ZNF829: variants seen among roughly 807,000 people sequenced by gnomAD.
ZNF829 encodes the protein zinc finger protein 829.
In ZNF829, 25 loss-of-function variants were observed where a neutral mutation model predicts 35.2. The ratio of observed to expected loss-of-function variants is 0.71; its 90% CI spans 0.52 to 0.99. ZNF829 has a LOEUF of 0.99. Ranked by LOEUF, ZNF829 falls within the 50% of genes least tolerant of loss-of-function variation. The probability of loss-of-function intolerance (pLI) is 0.00; values close to 1 mark genes in which losing one functional copy is unlikely to be tolerated. For missense variants in ZNF829, 417 were observed against 515.3 expected, an observed-to-expected ratio of 0.81 and a Z score of 1.85; for synonymous variants, 136 against 163.2, an observed-to-expected ratio of 0.83 and a Z score of 1.27.
intron 5 of ZNF829, among the ~76,000 whole-genome samples, chr19:36,900,847 G>GAAAAAAAAAA (rs59848712): frequency 1.1e-5 from 1 of 88,964 alleles, no homozygotes; most frequent in African/African-American, 4.5e-5. Context: ...GACTGTCTCA[G>GAAAAAAAAAA]AAAAAAAAAA....
chr19:36,894,446 T>C (rs1284475900), intron 5 of ZNF829, among the ~76,000 whole-genome samples: 3 of 151,934 alleles, frequency 2.0e-5, no homozygotes, highest in Non-Finnish European at 1.5e-5. Flanking sequence ...CAGCAACAGA[T>C]TCCAACAAAC....
At chr19:36,903,243 T>C (rs1322564389) in intron 5 of ZNF829, among the ~76,000 whole-genome samples, 5 of 152,224 alleles carry the variant, frequency 3.3e-5, no homozygotes, top group African/African-American at 1.2e-4. Context: ...AAATATGCCA[T>C]TATTATTTAA....
chr19:36,915,975 C>G (rs922572345), intron 1 of ZNF829, 36 bp downstream of exon 1: 6 of 1,515,464 alleles, frequency 4.0e-6, no homozygotes, highest in Non-Finnish European at 5.3e-6. Flanking sequence ...AACTTGCAGA[C>G]CTGAGCCAGT....
At chr19:36,900,829 C>G (rs2073158789) in intron 5 of ZNF829, among the ~76,000 whole-genome samples, 1 of 129,050 alleles carries the variant, frequency 7.7e-6, no homozygotes, top group Non-Finnish European at 1.6e-5. Flanking sequence ...GACTGGGCAA[C>G]AGAGCGAGAC....
At chr19:36,904,392 G>A (rs1484497179) in intron 5 of ZNF829, among the ~76,000 whole-genome samples, 2 of 152,060 alleles carry the variant, frequency 1.3e-5, no homozygotes. Flanking sequence ...AAAGCAGGCT[G>A]CTGTTTTTCT....
chr19:36,888,745 G>C lies in ZNF829; in HGVS notation c.*2747C>G, dbSNP rs1042534479. ...TCTGGCTTTGTTGCTCCCCCGGCTGGAGTGCAATGGCATAATCTCGGCTCA... is the reference window on the plus strand; with the variant it reads ...TCTGGCTTTGTTGCTCCCCCGGCTGCAGTGCAATGGCATAATCTCGGCTCA... On this transcript the variant is annotated 3_prime_UTR_variant, in exon 6 of 6. Transcript: ENST00000391711. 4 of 152,066 alleles carry C rather than the reference G, an allele frequency of 2.6e-5. No homozygotes were observed. Among genetic ancestry groups the C allele is most frequent in the Admixed American group, 2.0e-4 (3 of 15,258 alleles). The allele number at this position is 152,066 out of a possible 1,614,324, so 9.4% of individuals were successfully genotyped here. A position where few individuals can be genotyped will look rare whatever the true frequency, so the allele number is the denominator to read the frequency against.
intron 5 of ZNF829, among the ~76,000 whole-genome samples, chr19:36,904,408 C>T (rs558488278): frequency 6.6e-6 from 1 of 151,880 alleles, no homozygotes; most frequent in African/African-American, 2.4e-5. Context: ...TTTCTTTTTT[C>T]TCTTTTTTTG....
chr19:36,897,506 C>T (rs2073123866), intron 5 of ZNF829, among the ~76,000 whole-genome samples: 1 of 152,098 alleles, frequency 6.6e-6, no homozygotes, highest in African/African-American at 2.4e-5. Flanking sequence ...TTCAACGTCT[C>T]TTCATTATAA....
At chr19:36,900,847 G>C (rs377293173) in intron 5 of ZNF829, among the ~76,000 whole-genome samples, 1 of 88,976 alleles carries the variant, frequency 1.1e-5, no homozygotes, top group African/African-American at 4.5e-5. Context: ...GACTGTCTCA[G>C]AAAAAAAAAA....
At chr19:36,901,734 C>G in intron 5 of ZNF829, 2 of 488,806 alleles carry the variant, frequency 4.1e-6, no homozygotes, top group Non-Finnish European at 7.5e-6. Flanking sequence ...CAACTTGGAT[C>G]CGGCAGAATG....
At position 36,889,743 on chromosome 19, in the gene ZNF829, C is replaced by T. The variant is rs2073032691; in HGVS notation, c.*1749G>A. 6.6e-6 allele frequency: 1 copy of T among 151,996 alleles called. No homozygotes were observed. Among genetic ancestry groups the T allele is most frequent in the Non-Finnish European group, 1.5e-5 (1 of 67,982 alleles). 9.4% of individuals were successfully genotyped at this position (151,996 alleles called of 1,614,324 possible). Reference sequence around the variant, plus strand: ...AACTTTTTCTTTTATTGATCTTTTGCATTCCTTTGTTCTCAGTCTCATTTT... The same window carrying T: ...AACTTTTTCTTTTATTGATCTTTTGTATTCCTTTGTTCTCAGTCTCATTTT... On this transcript the variant is annotated 3_prime_UTR_variant, in exon 6 of 6. Transcript: ENST00000391711.
intron 5 of ZNF829, among the ~76,000 whole-genome samples, chr19:36,895,030 T>TA (rs1046755043): frequency 2.6e-5 from 4 of 151,944 alleles, no homozygotes; most frequent in African/African-American, 7.2e-5. Flanking sequence ...CAGAGAATTC[T>TA]AAAAAAAGCA....
At chr19:36,900,148 ACACAC>A (rs1568369440) in intron 5 of ZNF829, among the ~76,000 whole-genome samples, 2,191 of 16,692 alleles carry the variant, frequency 0.13, 31 homozygotes, top group East Asian at 0.43. Context: ...TCTACTAAAC[ACACAC>A]ACACACACAC....
At chr19:36,908,537 T>G (rs2073238200) in intron 3 of ZNF829, 78 bp from the exon 4 acceptor site, 2 of 1,482,716 alleles carry the variant, frequency 1.3e-6, no homozygotes, top group East Asian at 4.6e-5. Context: ...AAGGACAGAG[T>G]AAGCAAAATT....
At chr19:36,894,622 G>A (rs2073094639) in intron 5 of ZNF829, among the ~76,000 whole-genome samples, 1 of 151,866 alleles carries the variant, frequency 6.6e-6, no homozygotes, top group South Asian at 2.1e-4. Context: ...CCAAACAGAA[G>A]TCCTGAAACT....
intron 3 of ZNF829, among the ~76,000 whole-genome samples, chr19:36,911,275 G>C (rs1188170632): frequency 6.6e-6 from 1 of 151,416 alleles, no homozygotes; most frequent in Admixed American, 6.6e-5. Flanking sequence ...GCAGTGGTGC[G>C]ATCTCAGCTC....
intron 5 of ZNF829, among the ~76,000 whole-genome samples, chr19:36,896,039 C>T (rs10419685): frequency 0.063 from 9,597 of 151,800 alleles, 864 homozygotes; most frequent in African/African-American, 0.2. Flanking sequence ...TGGCCAGGCG[C>T]GGTGGCTCAT....
intron 3 of ZNF829, among the ~76,000 whole-genome samples, chr19:36,911,494 G>A (rs772239284): frequency 4.6e-5 from 7 of 152,148 alleles, no homozygotes; most frequent in Non-Finnish European, 1.0e-4. Flanking sequence ...TTATAGGCAT[G>A]ACCAGCTGGG....
At chr19:36,896,173 T>C (rs1403595659) in intron 5 of ZNF829, among the ~76,000 whole-genome samples, 3 of 151,972 alleles carry the variant, frequency 2.0e-5, no homozygotes, top group African/African-American at 7.2e-5. Flanking sequence ...TAGCCAGGCA[T>C]GGTGGCAGGC....
Sources: allele counts gnomAD v4.1 joint callset (sites outside exome capture counted in the v4.1 genomes callset), GRCh38; gene constraint gnomAD v4.1.1; transcripts MANE v1.5; gene names NCBI Gene and HGNC (gene_info 2026-07-23, HGNC 2026-07-21).